The following TRAK1 variants were observed in gnomAD, a reference collection of about 807,000 sequenced individuals.
The protein encoded by TRAK1 is trafficking kinesin protein 1.
TRAK1 carries 33 observed loss-of-function variants against 92.1 expected under a neutral mutation model. That is an observed-to-expected ratio of 0.36 (90% CI 0.27 to 0.48). The LOEUF is 0.48. Ranked by LOEUF, TRAK1 falls within the 20% of genes least tolerant of loss-of-function variation. TRAK1 has a pLI of 0.99. For synonymous variants in TRAK1, 521 were observed against 517.3 expected (o/e 1.01, Z -0.10); for missense variants, 1,123 against 1,257.9 (o/e 0.89, Z 1.62).
intron 1 of TRAK1, among the ~76,000 whole-genome samples, chr3:42,033,583 G>GTA (rs1702225490): frequency 7.6e-6 from 1 of 132,308 alleles, no homozygotes; most frequent in African/African-American, 3.4e-5. Flanking sequence ...GCAAGACCCT[G>GTA]TCTCAATCAA....
At chr3:42,146,422 C>A (rs1699338293) in intron 2 of TRAK1, 1 of 192,098 alleles carries the variant, frequency 5.2e-6, no homozygotes, top group South Asian at 1.1e-4. Context: ...AATGCCTTTA[C>A]TGGTTTATTA....
At chr3:42,201,985 G>A (rs945823581) in intron 12 of TRAK1, among the ~76,000 whole-genome samples, 6 of 150,976 alleles carry the variant, frequency 4.0e-5, no homozygotes, top group African/African-American at 1.2e-4. Context: ...TGATTCTTCC[G>A]GACCAGTTGG....
chr3:42,030,732 A>G (rs893450773), intron 1 of TRAK1, among the ~76,000 whole-genome samples: 1 of 120,476 alleles, frequency 8.3e-6, no homozygotes, highest in Non-Finnish European at 1.6e-5. Flanking sequence ...ATATATATAT[A>G]TATATATATG....
chr3:42,210,095 G>GGAC (rs1406149593), intron 14 of TRAK1, 110 bp downstream of exon 14: 4 of 1,604,996 alleles, frequency 2.5e-6, no homozygotes, highest in Non-Finnish European at 3.4e-6. Context: ...CGGAGGAGGA[G>GGAC]GAGGAGGAGG....
chr3:42,217,209 T>C, intron 14 of TRAK1: 1 of 983,950 alleles, frequency 1.0e-6, no homozygotes, highest in Non-Finnish European at 1.2e-6. Context: ...ATCCCAGTCT[T>C]GGGTGACTCA....
At chr3:42,115,129 TC>T (rs1232684527) in intron 1 of TRAK1, among the ~76,000 whole-genome samples, 3 of 152,250 alleles carry the variant, frequency 2.0e-5, no homozygotes, top group Non-Finnish European at 4.4e-5. Context: ...TTGAGTATTC[TC>T]CTGGAGATTT....
intron 1 of TRAK1, among the ~76,000 whole-genome samples, chr3:42,120,617 A>AC (rs1709722404): frequency 6.6e-6 from 1 of 152,040 alleles, no homozygotes; most frequent in Non-Finnish European, 1.5e-5. Context: ...ATCTCAGCTC[A>AC]CTGCAACCTG....
At chr3:42,145,499 A>AC (rs199683885) in intron 2 of TRAK1, 12,108 of 151,824 alleles carry the variant, frequency 0.08, 732 homozygotes, top group African/African-American at 0.17. Context: ...AAAAAAAAAA[A>AC]ACCTATGTGC....
At chr3:42,140,903 C>T (rs1460515782) in intron 2 of TRAK1, among the ~76,000 whole-genome samples, 7 of 152,098 alleles carry the variant, frequency 4.6e-5, no homozygotes, top group Admixed American at 3.9e-4. Flanking sequence ...GGGGTTGGGA[C>T]CTCGGAGGGC....
At chr3:42,081,463 T>G (rs1466905709) in intron 1 of TRAK1, among the ~76,000 whole-genome samples, 1 of 152,230 alleles carries the variant, frequency 6.6e-6, no homozygotes, top group Non-Finnish European at 1.5e-5. Context: ...TTATTTATTC[T>G]ACAGACATTT....
At position 42,222,946 on chromosome 3, in the gene TRAK1, A is replaced by C. The variant is rs892206571; in HGVS notation, c.2071A>C (p.Asn691His). 1 of 1,611,978 alleles carries C rather than the reference A, an allele frequency of 6.2e-7. No homozygotes were observed. The change falls in exon 16 of 16, where the codon AAC becomes CAC. Residue 691 changes from asparagine (N) to histidine (H), a missense_variant. By Grantham distance (68) the Asn-to-His change is moderately conservative. This residue lies in a region of TRAK1 where 401 missense variants were observed against 438.9 expected (regional missense o/e 0.91). Transcript: ENST00000327628. ...ACCTGTCATTTCTTCTTTCAGCCTT[A>C]ACTCAGCCCCAACTCCAGCTTGTGG... ...DELTRVTPSLNSAPTPACGST... is the reference protein window; with the variant it reads ...DELTRVTPSLHSAPTPACGST...
intron 1 of TRAK1, among the ~76,000 whole-genome samples, chr3:42,030,074 TCA>T (rs1273741077): frequency 2.5e-5 from 3 of 122,210 alleles, no homozygotes; most frequent in Non-Finnish European, 5.5e-5. Flanking sequence ...TGCCGAGATC[TCA>T]CAGACATCTA....
At chr3:42,098,908 C>T (rs1251213755) in intron 1 of TRAK1, among the ~76,000 whole-genome samples, 2 of 151,902 alleles carry the variant, frequency 1.3e-5, no homozygotes, top group South Asian at 2.1e-4. Flanking sequence ...TAGGCACCAG[C>T]GTTGCTGGAG....
In TRAK1 at chr3:42,179,092, A is replaced by G. The variant is rs567154081; in HGVS notation, c.363+2202A>G. 3.9e-5 allele frequency among the ~76,000 whole-genome samples: 6 copies of G among 152,352 alleles called. No individual in the cohort carries two copies. The East Asian group carries it at 1.2e-3, about 29-fold the overall frequency. ...CTTGACCTCCCAAAGTGCTGGGATT[A>G]TAGGCATGAACCACCGTACCCAGCC... On this transcript the variant is annotated intron_variant, in intron 3 of 15. Coordinates refer to ENST00000327628, the MANE Select transcript of TRAK1 (RefSeq NM_001042646.3).
At position 42,108,772 on chromosome 3, in the gene TRAK1, T is replaced by C. The variant is rs151272146; in HGVS notation, c.92-16648T>C. Reference sequence around the variant, plus strand: ...AGCAAAGTGATGAAACCTCCAGAAGTTGAACCACCAAGAGGCATGACAATA... The same window carrying C: ...AGCAAAGTGATGAAACCTCCAGAAGCTGAACCACCAAGAGGCATGACAATA... On this transcript the variant is annotated intron_variant, in intron 1 of 15. Transcript: ENST00000327628. Among the ~76,000 whole-genome samples the C allele has an allele frequency of 4.2e-3, 640 of 152,174 alleles. 4 individuals are homozygous for C. The highest frequency in any genetic ancestry group is 0.015 in the African/African-American group (616 of 41,504).
intron 1 of TRAK1, among the ~76,000 whole-genome samples, chr3:42,015,349 T>G (rs958857584): frequency 1.3e-5 from 2 of 152,136 alleles, no homozygotes; most frequent in Non-Finnish European, 2.9e-5. Flanking sequence ...GGGTTTCAGC[T>G]TGGCCCCAGC....
At chr3:42,149,562 T>C in intron 2 of TRAK1, 3 of 1,536,144 alleles carry the variant, frequency 2.0e-6, no homozygotes, top group Non-Finnish European at 2.6e-6. Flanking sequence ...AAGCGGATTA[T>C]TATGAACTAG....
intron 1 of TRAK1, among the ~76,000 whole-genome samples, chr3:42,069,202 C>A (rs2148935201): frequency 6.6e-6 from 1 of 151,730 alleles, no homozygotes; most frequent in African/African-American, 2.4e-5. Flanking sequence ...CGTGGTGGTG[C>A]ATGCCTGTAG....
intron 10 of TRAK1, among the ~76,000 whole-genome samples, chr3:42,197,880 C>T (rs945285276): frequency 7.2e-5 from 11 of 152,172 alleles, no homozygotes; most frequent in Admixed American, 6.5e-4. Flanking sequence ...GCGGTATCTG[C>T]TGGGAAGCCA....
Sources: gnomAD v4.1 joint callset for allele counts (sites outside exome capture counted in the v4.1 genomes callset) on GRCh38, gnomAD v4.1.1 for gene constraint, gnomAD v4.1.1 regional missense constraint, MANE v1.5 for transcripts, NCBI Gene and HGNC (gene_info 2026-07-23, HGNC 2026-07-21) for gene names.